Variants in TRIM5 observed in about 807,000 individuals in gnomAD.
TRIM5 encodes tripartite motif containing 5.
In TRIM5, 31 loss-of-function variants were observed where a neutral mutation model predicts 35.6. The observed-to-expected ratio is 0.87, with a 90% CI of 0.65 to 1.18. The LOEUF (loss-of-function observed/expected upper bound fraction) is 1.18, where lower values mean the gene tolerates loss of function less well. Ranked by LOEUF, TRIM5 falls within the 50% of genes most tolerant of loss-of-function variation. TRIM5 has a pLI of 0.00. For synonymous variants in TRIM5, 243 were observed against 215.6 expected, an observed-to-expected ratio of 1.13 and a Z score of -1.11; for missense variants, 609 against 591.6, an observed-to-expected ratio of 1.03 and a Z score of -0.31.
chr11:5,614,429 T>C, the TRIM5 span, among the ~76,000 whole-genome samples: 3 of 152,264 alleles, frequency 2.0e-5, no homozygotes, highest in Admixed American at 2.0e-4. Context: ...CTGCTCATTT[T>C]CTATTAATGA....
chr11:5,643,851 G>C, the TRIM5 span: 4 of 1,168,278 alleles, frequency 3.4e-6, no homozygotes, highest in Non-Finnish European at 4.8e-6. Context: ...GGTGTATTTG[G>C]CTTGAGTTAT....
intron 1 of TRIM5, among the ~76,000 whole-genome samples, chr11:5,682,083 C>T (rs972704196): frequency 2.0e-5 from 3 of 152,068 alleles, no homozygotes; most frequent in African/African-American, 7.2e-5. Flanking sequence ...AGGCGTGAGC[C>T]ACCGTGCCCG....
At chr11:5,622,211 C>T in the TRIM5 span, among the ~76,000 whole-genome samples, 9 of 151,954 alleles carry the variant, frequency 5.9e-5, no homozygotes, top group South Asian at 4.2e-4. Flanking sequence ...TTCGGGAGGC[C>T]GAGGCAAGCA....
At chr11:5,619,688 A>ATTTTTTTTTTT in the TRIM5 span, 9 of 66,032 alleles carry the variant, frequency 1.4e-4, no homozygotes, top group Admixed American at 2.5e-4. Flanking sequence ...CCTGTTTTAA[A>ATTTTTTTTTTT]TTTTTTTTTT....
chr11:5,636,325 G>A, the TRIM5 span, among the ~76,000 whole-genome samples: 3 of 152,114 alleles, frequency 2.0e-5, no homozygotes, highest in South Asian at 2.1e-4. Flanking sequence ...TAGCAAATCC[G>A]TAATATAGAA....
the TRIM5 span, among the ~76,000 whole-genome samples, chr11:5,640,855 G>A: frequency 7.0e-4 from 107 of 152,050 alleles, no homozygotes; most frequent in African/African-American, 2.2e-3. Context: ...TTTTCTATGC[G>A]TTCTTTAATG....
At chr11:5,620,717 T>C in the TRIM5 span, among the ~76,000 whole-genome samples, 2 of 152,174 alleles carry the variant, frequency 1.3e-5, no homozygotes, top group Non-Finnish European at 2.9e-5. Context: ...TGTCATGGGC[T>C]CCCTCTGCAA....
chr11:5,608,278 G>A, the TRIM5 span: 6 of 1,553,620 alleles, frequency 3.9e-6, no homozygotes, highest in South Asian at 4.8e-5. Context: ...ATCTTTATTT[G>A]TATCATATCA....
At chr11:5,604,668 A>C in the TRIM5 span, 1 of 1,598,726 alleles carries the variant, frequency 6.3e-7, no homozygotes, top group African/African-American at 1.3e-5. Context: ...TGGGGCAGGA[A>C]TCATGGCAGG....
chr11:5,677,302 C>T (rs1411087425), intron 4 of TRIM5, among the ~76,000 whole-genome samples: 3 of 152,178 alleles, frequency 2.0e-5, no homozygotes, highest in Non-Finnish European at 2.9e-5. Context: ...AGGACATGAA[C>T]AGACACTTCT....
At chr11:5,610,249 A>G in the TRIM5 span, 1 of 1,613,748 alleles carries the variant, frequency 6.2e-7, no homozygotes. Flanking sequence ...TGTAGAGGTA[A>G]GGAGATTCAG....
At chr11:5,643,125 A>ATATATATATTTT in the TRIM5 span, 3 of 974,248 alleles carry the variant, frequency 3.1e-6, no homozygotes, top group South Asian at 6.2e-5. Context: ...ATATATATAT[A>ATATATATATTTT]TTTTTTTTTT....
the TRIM5 span, chr11:5,634,772 G>T: frequency 6.2e-7 from 1 of 1,614,056 alleles, no homozygotes; most frequent in South Asian, 1.1e-5. Context: ...AGAGGCTGAG[G>T]ATGAGCTAGT....
At chr11:5,606,831 A>G in the TRIM5 span, among the ~76,000 whole-genome samples, 3 of 152,342 alleles carry the variant, frequency 2.0e-5, no homozygotes, top group African/African-American at 7.2e-5. Flanking sequence ...TTTTCTAAAA[A>G]TAAACTTTCT....
At chr11:5,632,656 AAGG>A in the TRIM5 span, 1 of 1,612,890 alleles carries the variant, frequency 6.2e-7, no homozygotes. Flanking sequence ...ACTCTTCTGT[AAGG>A]AGGATAGGAA....
the TRIM5 span, chr11:5,634,775 G>T: frequency 6.2e-7 from 1 of 1,614,044 alleles, no homozygotes; most frequent in South Asian, 1.1e-5. Context: ...GGCTGAGGAT[G>T]AGCTAGTTCA....
chr11:5,674,356 A>G (rs558480779), intron 4 of TRIM5, among the ~76,000 whole-genome samples: 8 of 152,380 alleles, frequency 5.3e-5, no homozygotes, highest in African/African-American at 1.9e-4. Flanking sequence ...GGGAGCATAC[A>G]GCATCTGGGT....
intron 4 of TRIM5, among the ~76,000 whole-genome samples, chr11:5,676,151 A>G (rs1221435779): frequency 2.0e-5 from 3 of 150,736 alleles, no homozygotes; most frequent in Admixed American, 6.6e-5. Context: ...GAATAATGCC[A>G]CAATAAACAT....
chr11:5,669,829 C>A, intron 4 of TRIM5: 1 of 170,636 alleles, frequency 5.9e-6, no homozygotes, highest in Non-Finnish European at 1.3e-5. Context: ...GAAATCCCGT[C>A]TCTTCAAAAC....
Sources: gnomAD v4.1 joint callset for allele counts (sites outside exome capture counted in the v4.1 genomes callset) on GRCh38, gnomAD v4.1.1 for gene constraint, MANE v1.5 for transcripts, NCBI Gene and HGNC (gene_info 2026-07-23, HGNC 2026-07-21) for gene names.